SCN4A: variants seen among roughly 807,000 people sequenced by gnomAD.
SCN4A encodes the protein sodium channel protein type 4 subunit alpha.
In SCN4A, 83 loss-of-function variants were observed where a neutral mutation model predicts 162.0. The observed-to-expected ratio is 0.51, with a 90% CI of 0.43 to 0.61. The LOEUF (loss-of-function observed/expected upper bound fraction) is 0.61, where lower values mean the gene tolerates loss of function less well. Ranked by LOEUF, SCN4A falls within the 20% of genes least tolerant of loss-of-function variation. The pLI, the probability that SCN4A is intolerant of heterozygous loss-of-function variation, is 0.00. For missense variants in SCN4A, 2,196 were observed against 2,462.5 expected, an observed-to-expected ratio of 0.89 and a Z score of 2.29; for synonymous variants, 944 against 985.1, an observed-to-expected ratio of 0.96 and a Z score of 0.78.
rs1333047587 is a variant in SCN4A at position 63,944,004 on chromosome 17, G to C, written c.3913-154C>G. On this transcript the variant is annotated intron_variant, in intron 21 of 23. Coordinates refer to ENST00000435607, the MANE Select transcript of SCN4A (RefSeq NM_000334.4). The surrounding 1 kb of genome is among the most constrained non-coding windows in gnomAD (Gnocchi z 4.3). ...GGGAGGGTCAGAGATGGAGGGACAA[G>C]GGGAGAATGCGGGACCGAGGAGAAG... Among the ~76,000 whole-genome samples, 1 of 152,176 alleles carries C rather than the reference G, an allele frequency of 6.6e-6. No individual in the cohort carries two copies. The highest frequency in any genetic ancestry group is 1.5e-5 in the Non-Finnish European group (1 of 68,028).
At chr17:63,967,442 C>T (rs973771111) in intron 6 of SCN4A, among the ~76,000 whole-genome samples, 9 of 152,024 alleles carry the variant, frequency 5.9e-5, no homozygotes, top group African/African-American at 1.4e-4. Flanking sequence ...CGTGAGCCAC[C>T]GTGCCTGGCA....
chr17:63,948,165 G>C, intron 16 of SCN4A, 102 bp from the exon 17 acceptor site: 1 of 921,678 alleles, frequency 1.1e-6, no homozygotes, highest in Non-Finnish European at 1.6e-6. Flanking sequence ...GGGGTCTGCC[G>C]TGGGGGCCCA....
rs776231847 is a variant in SCN4A at position 63,941,367 on chromosome 17, G to A, written c.4915C>T (p.Arg1639Cys). 4.3e-6 allele frequency: 7 copies of A among 1,613,928 alleles called. No individual in the cohort carries two copies. Among genetic ancestry groups the A allele is most frequent in the Admixed American group, 3.3e-5 (2 of 60,020 alleles). The change falls in exon 24 of 24, where the codon CGC becomes TGC. Residue 1639 changes from arginine to cysteine, a missense_variant. Coordinates refer to ENST00000435607, the MANE Select transcript of SCN4A (RefSeq NM_000334.4). The surrounding 1 kb of genome is among the most constrained non-coding windows in gnomAD (Gnocchi z 6.2). ...AGGGTGTCCACGAAGTCTGAGAGGC[G>A]GCTGTAGGCGATGAACTGGGTGGCG... ...PDATQFIAYS[R>C]LSDFVDTLQE...
chr17:63,962,136 C>T (rs1274251678), intron 10 of SCN4A, among the ~76,000 whole-genome samples: 2 of 152,196 alleles, frequency 1.3e-5, no homozygotes, highest in Non-Finnish European at 2.9e-5. Context: ...CACCCCCTGC[C>T]AGAGGCCCAG....
In SCN4A at chr17:63,972,846, G is replaced by A. The variant is rs758132666; in HGVS notation, c.-5C>T. On this transcript the variant is annotated 5_prime_UTR_variant, in exon 1 of 24. An upstream open reading frame in the 5' UTR gains an earlier in-frame stop. Coordinates refer to ENST00000435607, the MANE Select transcript of SCN4A (RefSeq NM_000334.4). The surrounding 1 kb of genome is among the most constrained non-coding windows in gnomAD (Gnocchi z 4.3). The stretch of plus-strand genomic sequence containing the variant: ...GCACAGAGATGGTCTGGCCATCCTC[G>A]CATCCTGGGCTCAGAGACCAGAAGG... The A allele has an allele frequency of 1.2e-5, 19 of 1,601,608 alleles. No individual in the cohort carries two copies. Among genetic ancestry groups the A allele is most frequent in the African/African-American group, 2.7e-5 (2 of 74,720 alleles).
At chr17:63,957,084 T>C in intron 13 of SCN4A, 78 bp downstream of exon 13, 3 of 988,474 alleles carry the variant, frequency 3.0e-6, no homozygotes, top group Non-Finnish European at 4.5e-6. Context: ...GTTGGGGAGA[T>C]AGAAAACAGT....
rs1909108173 is a variant in SCN4A at position 63,957,485 on chromosome 17, T to C, written c.2053A>G (p.Thr685Ala). ...ATGATCTTGATGAGCATGTTCAGCG[T>C]TGGCCACGACTTGGCCAGCTTGAAG... ...RVFKLAKSWP[T>A]LNMLIKIIGN... Residue 685 changes from threonine (T) to alanine (A), a missense_variant, in exon 13 of 24, where the codon ACG (threonine) becomes GCG (alanine). Thr to Ala is a moderately conservative substitution (Grantham distance 58, BLOSUM62 0). Transcript: ENST00000435607. The C allele has an allele frequency of 1.2e-6, 2 of 1,613,180 alleles. No homozygotes were observed. The highest frequency in any genetic ancestry group is 1.3e-5 in the African/African-American group (1 of 75,016).
rs1567817945 is a variant in SCN4A at position 63,945,290 on chromosome 17, TACA to T, written c.3720+67_3720+69del. On this transcript the variant is annotated intron_variant, in intron 19 of 23. Coordinates refer to ENST00000435607, the MANE Select transcript of SCN4A (RefSeq NM_000334.4). The surrounding 1 kb of genome is among the most constrained non-coding windows in gnomAD (Gnocchi z 4.4). ...AACCAGGAGTGACACTGGGGTTGGG[TACA>T]ACGAGAGGACCGGGGTGGGGGGCAC... The T allele has an allele frequency of 1.4e-5, 18 of 1,284,638 alleles. No individual in the cohort carries two copies. The East Asian group carries it at 4.5e-4, about 32-fold the overall frequency. 79.6% of individuals were successfully genotyped at this position (1,284,638 alleles called of 1,614,324 possible).
In SCN4A at chr17:63,957,225, C is replaced by T. The variant is rs1909096255; in HGVS notation, c.2313G>A (p.Glu771=). Reference sequence around the variant, plus strand: ...TGAGGCACATGGCTTGGCCGGCCACCTCCATGCAGTCCCACATGGTCTCGA... The same window carrying T: ...TGAGGCACATGGCTTGGCCGGCCACTTCCATGCAGTCCCACATGGTCTCGA... ...EWIETMWDCM[E]VAGQAMCLTV... is the part of the protein sequence containing the mutation. The change falls in exon 13 of 24, where the codon GAG becomes GAA. Residue 771 remains glutamate, a synonymous_variant. Transcript: ENST00000435607. The T allele has an allele frequency of 1.2e-6, 2 of 1,606,548 alleles. No individual in the cohort carries two copies. The highest frequency in any genetic ancestry group is 2.7e-5 in the African/African-American group (2 of 74,920).
chr17:63,969,339 G>A (rs1276818715), intron 5 of SCN4A, among the ~76,000 whole-genome samples: 1 of 152,234 alleles, frequency 6.6e-6, no homozygotes, highest in African/African-American at 2.4e-5. Flanking sequence ...ACCTGTGGAA[G>A]AGCCGTAACT....
rs1443785429 is a variant in SCN4A at position 63,945,357 on chromosome 17, C to T, written c.3720+3G>A. The T allele has an allele frequency of 6.2e-7, 1 of 1,607,316 alleles. No homozygotes were observed. Among genetic ancestry groups the T allele is most frequent in the African/African-American group, 1.3e-5 (1 of 74,814 alleles). On this transcript the variant is annotated splice_donor_region_variant and intron_variant, in intron 19 of 23. Transcript: ENST00000435607. The surrounding 1 kb of genome is among the most constrained non-coding windows in gnomAD (Gnocchi z 4.4). ...CCCGGCAGGGGTGGTGGGTCACACT[C>T]ACCACCTGCAGGAGGGAGAGGTAGC...
intron 10 of SCN4A, among the ~76,000 whole-genome samples, chr17:63,962,152 C>A (rs764585574): frequency 6.6e-6 from 1 of 152,194 alleles, no homozygotes; most frequent in Non-Finnish European, 1.5e-5. Flanking sequence ...CCCAGGGCTG[C>A]GAGCCTGGCC....
chr17:63,968,705 C>T (rs1366745581), intron 5 of SCN4A, among the ~76,000 whole-genome samples: 1 of 152,216 alleles, frequency 6.6e-6, no homozygotes, highest in Non-Finnish European at 1.5e-5. Context: ...ATCTCCCATG[C>T]TGTGCCCTTA....
chr17:63,943,625 G>T, intron 22 of SCN4A, 121 bp downstream of exon 22: 1 of 648,620 alleles, frequency 1.5e-6, no homozygotes. Context: ...CCCTGGGGTG[G>T]GCCTAACCTC....
In SCN4A at chr17:63,972,087, G is replaced by A. The variant is rs1174489207; in HGVS notation, c.482+49C>T. ...ACCACACAGAGGTGCAAACACCTGA[G>A]ATGGGCTGTGTCCCAGGGCTGGGGA... On this transcript the variant is annotated intron_variant, in intron 3 of 23. Transcript: ENST00000435607. The surrounding 1 kb of genome is among the most constrained non-coding windows in gnomAD (Gnocchi z 4.3). The A allele has an allele frequency of 2.8e-6, 4 of 1,411,934 alleles. No homozygotes were observed. In the African/African-American group the frequency reaches 5.6e-5, roughly 20 times the overall value. The allele number at this position is 1,411,934 out of a possible 1,614,324, so 87.5% of individuals were successfully genotyped here. A position where few individuals can be genotyped will look rare whatever the true frequency, so the allele number is the denominator to read the frequency against.
At chr17:63,956,867 C>T (rs1316600342) in intron 13 of SCN4A, among the ~76,000 whole-genome samples, 1 of 152,244 alleles carries the variant, frequency 6.6e-6, no homozygotes, top group Non-Finnish European at 1.5e-5. Context: ...GTCCCAGAAC[C>T]ACCATCAGCA....
At chr17:63,961,080 G>A (rs1393890183) in intron 11 of SCN4A, 113 bp downstream of exon 11, 1 of 561,202 alleles carries the variant, frequency 1.8e-6, no homozygotes, top group Non-Finnish European at 3.1e-6. Context: ...AACCCCAGCT[G>A]TCCGCATGTG....
rs1216675513 is a variant in SCN4A, at chr17:63,972,106, C to G, written c.482+30G>C. On this transcript the variant is annotated intron_variant, in intron 3 of 23. Transcript: ENST00000435607. This position sits in a 1 kb window ranked among gnomAD's most constrained non-coding sequence, Gnocchi z 4.3. ...ACCTGAGATGGGCTGTGTCCCAGGG[C>G]TGGGGAGCTCAGGGAGCAGGGAGAC... 1.3e-6 allele frequency: 2 copies of G among 1,551,074 alleles called. No homozygotes were observed. Among genetic ancestry groups the G allele is most frequent in the Non-Finnish European group, 1.8e-6 (2 of 1,127,134 alleles).
chr17:63,965,466 T>G (rs1243793007), intron 8 of SCN4A, among the ~76,000 whole-genome samples: 1 of 151,882 alleles, frequency 6.6e-6, no homozygotes, highest in African/African-American at 2.4e-5. Context: ...AGAAGGCAAA[T>G]AAAGTATGGG....
Sources: allele counts gnomAD v4.1 joint callset (sites outside exome capture counted in the v4.1 genomes callset), GRCh38; gene constraint gnomAD v4.1.1; non-coding constraint Gnocchi (gnomAD v3.1); transcripts MANE v1.5; gene names NCBI Gene and HGNC (gene_info 2026-07-23, HGNC 2026-07-21).